Variants in RPS29 observed in about 807,000 individuals in gnomAD.
The protein encoded by RPS29 is ribosomal protein S29.
For missense variants in RPS29, 60 were observed against 75.7 expected, an observed-to-expected ratio of 0.79 and a Z score of 0.77; for synonymous variants, 37 against 26.9, an observed-to-expected ratio of 1.37 and a Z score of -1.16.
downstream of RPS29, among the ~76,000 whole-genome samples, chr14:49,582,625 T>C (rs1881373701): frequency 6.6e-6 from 1 of 152,280 alleles, no homozygotes; most frequent in Non-Finnish European, 1.5e-5. Flanking sequence ...CAAGTATTTG[T>C]ACAATTGTTA....
chr14:49,578,559 C>CTTT lies in RPS29; in HGVS notation c.163-709_163-707dup, dbSNP rs60555753. 3.8e-4 allele frequency among the ~76,000 whole-genome samples: 39 copies of CTTT among 103,446 alleles called. 9 individuals are homozygous for CTTT. Among genetic ancestry groups the CTTT allele is most frequent in the Non-Finnish European group, 5.2e-4 (29 of 55,244 alleles). The allele number at this position is 103,446 out of a possible 152,430, so 67.9% of individuals were successfully genotyped here. A position where few individuals can be genotyped will look rare whatever the true frequency, so the allele number is the denominator to read the frequency against. ...CTACCAATATTTACCAAAGCTTTCA[C>CTTT]TTTTTTTTTTTTTTTTTTTGAGACA... On this transcript the variant is annotated intron_variant, in intron 2 of 2. Transcript: ENST00000396020.
intron 1 of RPS29, among the ~76,000 whole-genome samples, chr14:49,594,975 C>A (rs1308675458): frequency 6.6e-6 from 1 of 152,100 alleles, no homozygotes; most frequent in Non-Finnish European, 1.5e-5. Flanking sequence ...GCCCTTTTTG[C>A]CAATAAAAGC....
chr14:49,586,388 C>G (rs887402980), upstream of RPS29: 14 of 1,549,276 alleles, frequency 9.0e-6, no homozygotes, highest in Admixed American at 8.3e-5. Flanking sequence ...AAGAAGCTGG[C>G]CCACGCATGC....
chr14:49,582,374 TTC>T (rs796366865), downstream of RPS29, among the ~76,000 whole-genome samples: 48 of 152,316 alleles, frequency 3.2e-4, 1 homozygote, highest in South Asian at 1.0e-3. Context: ...ACTTTGCTAT[TTC>T]TCTGATTCCA....
chr14:49,583,813 A>G (rs1273782918), intron 2 of RPS29, 138 bp from the exon 3 acceptor site: 3 of 562,726 alleles, frequency 5.3e-6, no homozygotes, highest in Non-Finnish European at 6.4e-6. Flanking sequence ...ACCAGATTCT[A>G]TGTAGTTTAA....
At chr14:49,574,270 T>G (rs1437363338) in exon 3 of RPS29, 4 of 152,230 alleles carry the variant, frequency 2.6e-5, no homozygotes, top group African/African-American at 9.6e-5. Flanking sequence ...TAATTATTAT[T>G]GGGTTGTAGA....
At chr14:49,585,615 A>T (rs1881514756) in intron 2 of RPS29, 1 of 431,218 alleles carries the variant, frequency 2.3e-6, no homozygotes, top group Non-Finnish European at 4.1e-6. Context: ...GGTACTTACA[A>T]GATTGATAAA....
chr14:49,583,460 C>T, downstream of RPS29: 3 of 443,740 alleles, frequency 6.8e-6, no homozygotes, highest in Non-Finnish European at 8.1e-6. Flanking sequence ...GAGCCGAGAT[C>T]GCGCCACTGC....
chr14:49,575,799 A>T (rs1015117248), exon 3 of RPS29: 5 of 152,204 alleles, frequency 3.3e-5, no homozygotes, highest in African/African-American at 1.2e-4. Context: ...GCAATAAGCC[A>T]TGTTTGTGCC....
chr14:49,584,601 CA>C (rs1881451598), intron 2 of RPS29, among the ~76,000 whole-genome samples: 1 of 151,922 alleles, frequency 6.6e-6, no homozygotes, highest in South Asian at 2.1e-4. Context: ...CCCATCTCCA[CA>C]AAATAATAAA....
downstream of RPS29, chr14:49,583,470 C>T (rs1196061449): frequency 4.0e-6 from 2 of 496,966 alleles, no homozygotes; most frequent in Non-Finnish European, 7.0e-6. Flanking sequence ...CGCGCCACTG[C>T]ACTCCAGCCT....
chr14:49,594,482 C>T (rs1881779551), intron 1 of RPS29, among the ~76,000 whole-genome samples: 1 of 152,180 alleles, frequency 6.6e-6, no homozygotes, highest in Non-Finnish European at 1.5e-5. Flanking sequence ...GAAAGGTGGT[C>T]ATTCATTAGT....
chr14:49,597,308 C>G (rs1434928581), intron 1 of RPS29, among the ~76,000 whole-genome samples: 1 of 152,028 alleles, frequency 6.6e-6, no homozygotes. Flanking sequence ...CCTCCTGCCT[C>G]GAGCCTCCCA....
intron 2 of RPS29, chr14:49,585,525 G>A (rs1881507738): frequency 4.1e-6 from 1 of 244,982 alleles, no homozygotes; most frequent in Admixed American, 5.3e-5. Context: ...CGAGGCTGCA[G>A]TGAGCCGTAA....
At chr14:49,578,484 T>C (rs962725772) in intron 2 of RPS29, among the ~76,000 whole-genome samples, 11 of 151,818 alleles carry the variant, frequency 7.2e-5, no homozygotes, top group Non-Finnish European at 4.4e-5. Context: ...GTAGCACATA[T>C]ACAATTTTTC....
downstream of RPS29, among the ~76,000 whole-genome samples, chr14:49,581,085 G>A (rs1881320879): frequency 6.6e-6 from 1 of 151,992 alleles, no homozygotes; most frequent in South Asian, 2.1e-4. Context: ...TACTCAGGAG[G>A]CTGAGGCAGG....
downstream of RPS29, among the ~76,000 whole-genome samples, chr14:49,578,857 C>T (rs1384151834): frequency 1.3e-5 from 2 of 152,102 alleles, no homozygotes; most frequent in Non-Finnish European, 2.9e-5. Context: ...CCCCGCCCAG[C>T]CAGCTTTCAC....
At chr14:49,590,964 A>G (rs1881697748), upstream of RPS29, among the ~76,000 whole-genome samples, 1 of 152,152 alleles carries the variant, frequency 6.6e-6, no homozygotes, top group African/African-American at 2.4e-5. Context: ...TGCTGGGATT[A>G]CAGGCATCAG....
chr14:49,589,064 T>C (rs1366534543), upstream of RPS29, among the ~76,000 whole-genome samples: 1 of 151,884 alleles, frequency 6.6e-6, no homozygotes, highest in Non-Finnish European at 1.5e-5. Context: ...CTAATTTCTT[T>C]TTGTATTTTT....
Sources: gnomAD v4.1 joint callset for allele counts (sites outside exome capture counted in the v4.1 genomes callset) on GRCh38, gnomAD v4.1.1 for gene constraint, MANE v1.5 for transcripts, NCBI Gene and HGNC (gene_info 2026-07-23, HGNC 2026-07-21) for gene names.